BAZ2B: variants seen among roughly 807,000 people sequenced by gnomAD.
BAZ2B encodes bromodomain adjacent to zinc finger domain protein 2B.
In BAZ2B, 91 loss-of-function variants were observed where a neutral mutation model predicts 246.0. The ratio of observed to expected loss-of-function variants is 0.37; its 90% CI spans 0.31 to 0.44. BAZ2B has a LOEUF of 0.44. BAZ2B is among the 20% of genes least tolerant of loss of function. The pLI, the probability that BAZ2B is intolerant of heterozygous loss-of-function variation, is 1.00. For synonymous variants in BAZ2B, 855 were observed against 860.0 expected (o/e 0.99, Z 0.10); for missense variants, 2,332 against 2,533.7 (o/e 0.92, Z 1.71).
chr2:159,567,021 T>C (rs1003789727), intron 1 of BAZ2B, among the ~76,000 whole-genome samples: 2 of 152,048 alleles, frequency 1.3e-5, no homozygotes, highest in Admixed American at 6.6e-5. Flanking sequence ...AGGCGAGTGA[T>C]CACCTGAGGT....
the BAZ2B span, among the ~76,000 whole-genome samples, chr2:159,698,850 G>C: frequency 1.3e-5 from 2 of 151,902 alleles, no homozygotes; most frequent in Admixed American, 1.3e-4. Context: ...TTACATAATT[G>C]AATAGTAACT....
At chr2:159,404,826 T>C in intron 16 of BAZ2B, 23 bp downstream of exon 16, 3 of 1,596,326 alleles carry the variant, frequency 1.9e-6, no homozygotes, top group Non-Finnish European at 2.6e-6. Context: ...ATTTTAAAAG[T>C]CACTTCCAAT....
In BAZ2B at chr2:159,429,058, T is replaced by G. The variant is rs878855534; in HGVS notation, c.2255+142A>C. The G allele has an allele frequency of 3.5e-5, 18 of 513,736 alleles. No homozygotes were observed. In the South Asian group the frequency reaches 6.4e-4, roughly 18 times the overall value. 31.8% of individuals were successfully genotyped at this position (513,736 alleles called of 1,614,324 possible). ...TCTGATATACCAAATTCCTTGCCCTTTGCTCCGGCTCTTCTGCTCTAATAA... is the reference window on the plus strand; with the variant it reads ...TCTGATATACCAAATTCCTTGCCCTGTGCTCCGGCTCTTCTGCTCTAATAA... On this transcript the variant is annotated intron_variant, in intron 11 of 36. Transcript: ENST00000392783.
At chr2:159,354,034 C>A (rs930732385) in intron 27 of BAZ2B, among the ~76,000 whole-genome samples, 1 of 152,076 alleles carries the variant, frequency 6.6e-6, no homozygotes, top group Non-Finnish European at 1.5e-5. Flanking sequence ...ATACTTTTAC[C>A]TCCAGTTAGG....
the BAZ2B span, among the ~76,000 whole-genome samples, chr2:159,697,737 T>C: frequency 2.0e-5 from 3 of 152,164 alleles, no homozygotes; most frequent in South Asian, 2.1e-4. Flanking sequence ...AAATATCTTA[T>C]ATAAATATGT....
intron 2 of BAZ2B, among the ~76,000 whole-genome samples, chr2:159,532,493 G>T (rs1308870645): frequency 1.3e-5 from 2 of 152,140 alleles, no homozygotes; most frequent in African/African-American, 2.4e-5. Context: ...GCCTCAAACT[G>T]CGGAAATAAT....
At chr2:159,473,449 C>A in intron 3 of BAZ2B, among the ~76,000 whole-genome samples, 1 of 152,018 alleles carries the variant, frequency 6.6e-6, no homozygotes, top group Middle Eastern at 3.4e-3. Flanking sequence ...CTATTTGATT[C>A]TTCTCTCTAT....
intron 3 of BAZ2B, among the ~76,000 whole-genome samples, chr2:159,477,364 C>G (rs2078717166): frequency 6.6e-6 from 1 of 151,642 alleles, no homozygotes. Context: ...CATATATACA[C>G]ACATACACAC....
chr2:159,342,184 A>T (rs1456494057), intron 31 of BAZ2B, among the ~76,000 whole-genome samples: 5 of 152,220 alleles, frequency 3.3e-5, no homozygotes, highest in Non-Finnish European at 5.9e-5. Flanking sequence ...GATGATACAG[A>T]TGGAAAAAAT....
the BAZ2B span, among the ~76,000 whole-genome samples, chr2:159,708,646 T>G: frequency 1.3e-5 from 2 of 151,916 alleles, no homozygotes; most frequent in African/African-American, 4.8e-5. Flanking sequence ...TGATCCCCGC[T>G]CACTGCAAGC....
At chr2:159,479,995 G>A (rs1460207947) in intron 2 of BAZ2B, among the ~76,000 whole-genome samples, 1 of 152,062 alleles carries the variant, frequency 6.6e-6, no homozygotes, top group African/African-American at 2.4e-5. Context: ...AGGCATAGTT[G>A]CTACTGATGG....
At chr2:159,596,091 G>T (rs559065643) in intron 1 of BAZ2B, among the ~76,000 whole-genome samples, 1 of 152,264 alleles carries the variant, frequency 6.6e-6, no homozygotes, top group South Asian at 2.1e-4. Context: ...TCACAGCTCG[G>T]TATGTGCATT....
intron 14 of BAZ2B, among the ~76,000 whole-genome samples, chr2:159,406,182 C>T (rs2032777): frequency 0.69 from 105,346 of 152,056 alleles, 38,142 homozygotes; most frequent in Non-Finnish European, 0.82. Context: ...TTTTCCATGG[C>T]TAAGAGGATG....
At chr2:159,494,897 GA>G (rs1463493178) in intron 2 of BAZ2B, among the ~76,000 whole-genome samples, 1 of 8,164 alleles carries the variant, frequency 1.2e-4, no homozygotes, top group Non-Finnish European at 7.0e-4. Context: ...TTATACTCTA[GA>G]GTAGGTTGGA....
At chr2:159,393,229 C>T (rs1461438082) in intron 20 of BAZ2B, among the ~76,000 whole-genome samples, 1 of 152,054 alleles carries the variant, frequency 6.6e-6, no homozygotes, top group Non-Finnish European at 1.5e-5. Flanking sequence ...ATCGTAATTG[C>T]AATGAGAGGC....
intron 1 of BAZ2B, among the ~76,000 whole-genome samples, chr2:159,601,596 C>G (rs1423878790): frequency 6.6e-6 from 1 of 152,070 alleles, no homozygotes; most frequent in Non-Finnish European, 1.5e-5. Flanking sequence ...TGGCAGGTGC[C>G]TGTAATTCCA....
chr2:159,510,827 C>G (rs991564413), intron 2 of BAZ2B, among the ~76,000 whole-genome samples: 3 of 152,108 alleles, frequency 2.0e-5, no homozygotes, highest in African/African-American at 7.2e-5. Flanking sequence ...ATTCCAATGA[C>G]CGCTCTCTTA....
At position 159,430,959 on chromosome 2, in the gene BAZ2B, C is replaced by A; in HGVS notation, c.2098G>T (p.Ala700Ser). 6.2e-7 allele frequency: 1 copy of A among 1,613,994 alleles called. No homozygotes were observed. Among genetic ancestry groups the A allele is most frequent in the Non-Finnish European group, 8.5e-7 (1 of 1,179,908 alleles). Residue 700 changes from alanine to serine, a missense_variant, in exon 10 of 37, where the codon GCC becomes TCC. Coordinates refer to ENST00000392783, the MANE Select transcript of BAZ2B (RefSeq NM_013450.4). ...AAGGCAGCAGGAGCAGAGCCTGGGG[C>A]TTTTGCTATGTGGAGGTTACGAGGT... is the stretch of plus-strand genomic sequence containing the variant. ...STPRNLHIAK[A>S]PGSAPAALCS... is the part of the protein sequence containing the mutation.
chr2:159,706,558 G>A, the BAZ2B span, among the ~76,000 whole-genome samples: 21 of 152,182 alleles, frequency 1.4e-4, no homozygotes, highest in South Asian at 2.1e-4. Context: ...GCACGCACGC[G>A]TGCGCATGTG....
Sources: allele counts gnomAD v4.1 joint callset (sites outside exome capture counted in the v4.1 genomes callset), GRCh38; gene constraint gnomAD v4.1.1; transcripts MANE v1.5; gene names NCBI Gene and HGNC (gene_info 2026-07-23, HGNC 2026-07-21).